CFAP77: variants seen among roughly 807,000 people sequenced by gnomAD.
The protein encoded by CFAP77 is cilia and flagella associated protein 77, also known as cilia- and flagella-associated protein 77.
A neutral mutation model predicts 31.1 loss-of-function variants in CFAP77; 25 were observed. The ratio of observed to expected loss-of-function variants is 0.80; its 90% CI spans 0.59 to 1.12. The LOEUF is 1.12. Ranked by LOEUF, CFAP77 falls within the 50% of genes most tolerant of loss-of-function variation. The pLI is 0.00. For missense variants in CFAP77, 377 were observed against 397.3 expected, an observed-to-expected ratio of 0.95 and a Z score of 0.44; for synonymous variants, 151 against 159.9, an observed-to-expected ratio of 0.94 and a Z score of 0.42.
chr9:132,537,374 C>T (rs1347176957), intron 3 of CFAP77, among the ~76,000 whole-genome samples: 2 of 152,158 alleles, frequency 1.3e-5, no homozygotes, highest in Non-Finnish European at 2.9e-5. Flanking sequence ...CCTCTAACGT[C>T]TGGTCAAGGA....
Position 132,511,228 on chromosome 9 carries a change from C to A in CFAP77, c.524+11628C>A, listed in dbSNP as rs543119367. On this transcript the variant is annotated intron_variant, in intron 3 of 5. Transcript: ENST00000393216. This position sits in a 1 kb window ranked among gnomAD's most constrained non-coding sequence, Gnocchi z 5.8. ...TACCTTCGGGTCTGCTGAGACTTGA[C>A]TCTGACTCCCCCAAGCTAAACCTCC... 2.0e-5 allele frequency among the ~76,000 whole-genome samples: 3 copies of A among 152,304 alleles called. No homozygotes were observed. In the East Asian group the frequency reaches 5.8e-4, roughly 29 times the overall value.
chr9:132,474,590 A>C lies in CFAP77; in HGVS notation c.196-24105A>C, dbSNP rs76663632. Among the ~76,000 whole-genome samples, 392 of 152,150 alleles carry C rather than the reference A, an allele frequency of 2.6e-3. 1 individual carries two copies. Among genetic ancestry groups the C allele is most frequent in the African/African-American group, 9.2e-3 (381 of 41,530 alleles). On this transcript the variant is annotated intron_variant, in intron 1 of 5. Transcript: ENST00000393216. ...TTCAGCCCTTAGGACCAGGGGGGGA[A>C]TGCACAGATGGAGCTGCTGGGGGTT...
At chr9:132,509,602 C>G (rs192651341) in intron 3 of CFAP77, among the ~76,000 whole-genome samples, 1 of 152,286 alleles carries the variant, frequency 6.6e-6, no homozygotes, top group East Asian at 1.9e-4. Context: ...AACCTCATCT[C>G]TACTAAAAAT....
In CFAP77 at chr9:132,502,044, G is replaced by A. The variant is rs369323093; in HGVS notation, c.524+2444G>A. Among the ~76,000 whole-genome samples, 7 of 152,206 alleles carry A rather than the reference G, an allele frequency of 4.6e-5. No homozygotes were observed. In the East Asian group the frequency reaches 7.7e-4, roughly 17 times the overall value. On this transcript the variant is annotated intron_variant, in intron 3 of 5. Transcript: ENST00000393216. ...TTGCACTGAACAAATAAATAGAAGC[G>A]GCTGCTCCCAGACAGTAGCGGACTT...
intron 1 of CFAP77, among the ~76,000 whole-genome samples, chr9:132,469,838 ATTT>A (rs763910119): frequency 2.3e-5 from 3 of 128,824 alleles, no homozygotes. Context: ...TTGCTCCGTG[ATTT>A]TTTTTTTTTT....
At chr9:132,496,302 G>A (rs536293197) in intron 1 of CFAP77, among the ~76,000 whole-genome samples, 2 of 152,314 alleles carry the variant, frequency 1.3e-5, no homozygotes, top group Non-Finnish European at 2.9e-5. Context: ...ATTATGCAAT[G>A]AATGACTTAA....
At chr9:132,440,308 G>A (rs1296786374) in intron 1 of CFAP77, among the ~76,000 whole-genome samples, 1 of 152,116 alleles carries the variant, frequency 6.6e-6, no homozygotes, top group African/African-American at 2.4e-5. Flanking sequence ...CTGCACTCCA[G>A]CCTGGGTGAC....
chr9:132,482,134 TGAAAAGTACATAGATCATTCTCTGC>T, intron 1 of CFAP77, among the ~76,000 whole-genome samples: 1 of 152,216 alleles, frequency 6.6e-6, no homozygotes, highest in East Asian at 1.9e-4. Flanking sequence ...TTTTAAGTTT[TGAAAAGTACATAGATCATTCTCTGC>T]TTTTTCCTTT....
At chr9:132,509,082 C>G (rs548244454) in intron 3 of CFAP77, among the ~76,000 whole-genome samples, 2 of 152,206 alleles carry the variant, frequency 1.3e-5, no homozygotes, top group Non-Finnish European at 2.9e-5. Context: ...CAGCAATGAA[C>G]GGCCAACGCT....
intron 1 of CFAP77, among the ~76,000 whole-genome samples, chr9:132,434,891 G>T (rs923535934): frequency 6.6e-6 from 1 of 152,152 alleles, no homozygotes; most frequent in Non-Finnish European, 1.5e-5. Flanking sequence ...TGCCTGGGCC[G>T]CCCAGAGCAC....
At chr9:132,488,853 C>T (rs1426656313) in intron 1 of CFAP77, among the ~76,000 whole-genome samples, 5 of 152,000 alleles carry the variant, frequency 3.3e-5, no homozygotes, top group East Asian at 3.9e-4. Flanking sequence ...CCCCCTGGGA[C>T]GGGGAGAGAG....
At position 132,481,464 on chromosome 9, in the gene CFAP77, A is replaced by G. The variant is rs1402887311; in HGVS notation, c.196-17231A>G. 6.6e-6 allele frequency among the ~76,000 whole-genome samples: 1 copy of G among 152,080 alleles called. No homozygotes were observed. The highest frequency in any genetic ancestry group is 1.5e-5 in the Non-Finnish European group (1 of 68,026). On this transcript the variant is annotated intron_variant, in intron 1 of 5. Coordinates refer to ENST00000393216, the MANE Select transcript of CFAP77 (RefSeq NM_001282957.2). This position sits in a 1 kb window ranked among gnomAD's most constrained non-coding sequence, Gnocchi z 5.0. ...CTTACACTCCTCCCTCCCCAGCAAG[A>G]TTTCATCCATCTTTGTGTGCTCAAG...
intron 1 of CFAP77, among the ~76,000 whole-genome samples, chr9:132,474,717 G>C (rs180962711): frequency 6.6e-5 from 10 of 152,250 alleles, no homozygotes; most frequent in Non-Finnish European, 1.5e-4. Context: ...TGAGAAGAAG[G>C]CAGGCAAAAT....
intron 1 of CFAP77, among the ~76,000 whole-genome samples, chr9:132,459,074 T>TA (rs1020171458): frequency 1.3e-4 from 19 of 145,842 alleles, no homozygotes; most frequent in African/African-American, 4.8e-4. Flanking sequence ...CTGAAACTAT[T>TA]TTTTTTTTTT....
intron 3 of CFAP77, among the ~76,000 whole-genome samples, chr9:132,521,616 G>C (rs1852264624): frequency 6.6e-6 from 1 of 152,142 alleles, no homozygotes. Flanking sequence ...GCCAGGCGAA[G>C]GAGAGGAGTC....
At position 132,454,531 on chromosome 9, in the gene CFAP77, C is replaced by A. The variant is rs12685472; in HGVS notation, c.195+44065C>A. Among the ~76,000 whole-genome samples, 215 of 152,288 alleles carry A rather than the reference C, an allele frequency of 1.4e-3. 3 individuals carry two copies. In the East Asian group the frequency reaches 0.03, roughly 22 times the overall value. ...AGGGAACAGGTGCTGAAATCGGCAT[C>A]TCTGATATTGTTCATTGGTTGGTGT... On this transcript the variant is annotated intron_variant, in intron 1 of 5. Coordinates refer to ENST00000393216, the MANE Select transcript of CFAP77 (RefSeq NM_001282957.2).
intron 1 of CFAP77, among the ~76,000 whole-genome samples, chr9:132,422,071 C>T (rs768746944): frequency 7.9e-5 from 12 of 151,834 alleles, no homozygotes; most frequent in Non-Finnish European, 1.5e-4. Context: ...TGCAATGGCA[C>T]AATCTCAGCT....
At chr9:132,431,894 C>T (rs1043016710) in intron 1 of CFAP77, among the ~76,000 whole-genome samples, 6 of 152,214 alleles carry the variant, frequency 3.9e-5, no homozygotes, top group African/African-American at 7.2e-5. Flanking sequence ...TATTGAACTA[C>T]TGGCCTCAAG....
At chr9:132,436,819 G>A (rs1850512300) in intron 1 of CFAP77, among the ~76,000 whole-genome samples, 1 of 152,020 alleles carries the variant, frequency 6.6e-6, no homozygotes, top group African/African-American at 2.4e-5. Flanking sequence ...AGGAGGAGGT[G>A]GAACACAAAA....
Sources: allele counts gnomAD v4.1 joint callset (sites outside exome capture counted in the v4.1 genomes callset), GRCh38; gene constraint gnomAD v4.1.1; non-coding constraint Gnocchi (gnomAD v3.1); transcripts MANE v1.5; gene names NCBI Gene and HGNC (gene_info 2026-07-23, HGNC 2026-07-21).